The following NLRC5 variants were observed in gnomAD, a reference collection of about 807,000 sequenced individuals.
NLRC5 encodes the protein NLR family CARD domain containing 5.
Under a neutral mutation model 206.9 loss-of-function variants are expected in NLRC5, and 114 were observed. The observed-to-expected ratio is 0.55, with a 90% CI of 0.47 to 0.64. The LOEUF is 0.64. Ranked by LOEUF, NLRC5 falls within the 30% of genes least tolerant of loss-of-function variation. The probability of loss-of-function intolerance (pLI) is 0.00; values close to 1 mark genes in which losing one functional copy is unlikely to be tolerated. For synonymous variants in NLRC5, 952 were observed against 962.8 expected (o/e 0.99, Z 0.21); for missense variants, 2,008 against 2,305.5 (o/e 0.87, Z 2.64).
At chr16:57,074,541 C>T in intron 38 of NLRC5, 59 bp from the exon 39 acceptor site, 1 of 1,502,590 alleles carries the variant, frequency 6.7e-7, no homozygotes, top group Non-Finnish European at 9.3e-7. Context: ...CCTCAGACCC[C>T]CAGACTGGAC....
chr16:57,081,396 G>T, intron 47 of NLRC5, 131 bp from the exon 48 acceptor site: 1 of 965,018 alleles, frequency 1.0e-6, no homozygotes. Context: ...GTTGTCTTTT[G>T]GGTTCCCTGA....
intron 1 of NLRC5, among the ~76,000 whole-genome samples, chr16:56,997,644 G>T (rs978224120): frequency 2.6e-5 from 4 of 151,970 alleles, no homozygotes; most frequent in Non-Finnish European, 5.9e-5. Flanking sequence ...ACAATATCAC[G>T]GCTTACTGCG....
chr16:57,022,431 C>A lies in NLRC5; in HGVS notation c.355+116C>A, dbSNP rs560824306. The A allele has an allele frequency of 1.2e-4, 103 of 882,788 alleles. No individual in the cohort carries two copies. In the East Asian group the frequency reaches 2.5e-3, roughly 22 times the overall value. 54.7% of individuals were successfully genotyped at this position (882,788 alleles called of 1,614,324 possible). A position where few individuals can be genotyped will look rare whatever the true frequency, so the allele number is the denominator to read the frequency against. ...GCTGGTCACAGCCATTTCTCATAGGCCATGCTCTTCGTCTGTCCCTGACCC... is the reference window on the plus strand; with the variant it reads ...GCTGGTCACAGCCATTTCTCATAGGACATGCTCTTCGTCTGTCCCTGACCC... On this transcript the variant is annotated intron_variant, in intron 4 of 48. Transcript: ENST00000688547.
chr16:57,065,354 CT>C (rs1182752602), intron 33 of NLRC5, 56 bp downstream of exon 33: 2 of 1,287,546 alleles, frequency 1.6e-6, no homozygotes, highest in Middle Eastern at 1.9e-4. Flanking sequence ...AGCATTGGGA[CT>C]TTTCCTTGAC....
intron 1 of NLRC5, among the ~76,000 whole-genome samples, chr16:57,004,922 C>G (rs1452969064): frequency 6.6e-6 from 1 of 152,146 alleles, no homozygotes; most frequent in Non-Finnish European, 1.5e-5. Flanking sequence ...GCACCCCAGC[C>G]CTTTTCCCTC....
At chr16:57,058,668 C>A (rs1454937092) in intron 28 of NLRC5, among the ~76,000 whole-genome samples, 4 of 152,192 alleles carry the variant, frequency 2.6e-5, no homozygotes, top group African/African-American at 9.6e-5. Flanking sequence ...GCTTCGTGCT[C>A]GGGAGTCCTT....
At chr16:57,051,690 G>A in intron 24 of NLRC5, 69 bp downstream of exon 24, 1 of 1,244,346 alleles carries the variant, frequency 8.0e-7, no homozygotes, top group Admixed American at 1.7e-5. Context: ...CCATGGCAAA[G>A]CTGTACCTGC....
intron 1 of NLRC5, among the ~76,000 whole-genome samples, chr16:56,991,678 CTTTTTT>C (rs35559322): frequency 1.9e-5 from 2 of 105,632 alleles, no homozygotes; most frequent in East Asian, 2.9e-4. Flanking sequence ...GCCCGGACTC[CTTTTTT>C]TTTTTTTTTT....
At chr16:57,055,203 C>T in intron 26 of NLRC5, 109 bp downstream of exon 26, 1 of 1,188,896 alleles carries the variant, frequency 8.4e-7, no homozygotes, top group Non-Finnish European at 1.2e-6. Flanking sequence ...AAAACATTCC[C>T]CTGGAACAAC....
At chr16:57,032,533 A>C (rs994735953) in intron 11 of NLRC5, among the ~76,000 whole-genome samples, 2 of 152,172 alleles carry the variant, frequency 1.3e-5, no homozygotes, top group African/African-American at 4.8e-5. Flanking sequence ...AATTTAAATA[A>C]ATTAAAATTT....
At chr16:57,067,675 G>A (rs909537783) in intron 35 of NLRC5, 61 bp from the exon 36 acceptor site, 4 of 1,528,978 alleles carry the variant, frequency 2.6e-6, no homozygotes, top group Admixed American at 1.7e-5. Flanking sequence ...CCTTCTGGAT[G>A]TGATGACCTC....
intron 43 of NLRC5, 110 bp from the exon 44 acceptor site, chr16:57,078,940 T>C: frequency 1.0e-6 from 1 of 972,220 alleles, no homozygotes; most frequent in South Asian, 1.5e-5. Context: ...GGATGGGGAA[T>C]TAGCCAGAGA....
chr16:57,070,289 C>G (rs1394220868), intron 37 of NLRC5, among the ~76,000 whole-genome samples: 2 of 152,084 alleles, frequency 1.3e-5, no homozygotes, highest in Non-Finnish European at 2.9e-5. Flanking sequence ...CCAGCTTCCT[C>G]TCTGCAGCCT....
chr16:57,026,726 G>A lies in NLRC5; in HGVS notation c.1783G>A (p.Val595Ile). 6.2e-7 allele frequency: 1 copy of A among 1,614,066 alleles called. No individual in the cohort carries two copies. Among genetic ancestry groups the A allele is most frequent in the East Asian group, 2.2e-5 (1 of 44,882 alleles). ...EDCVGAKQAA[V>I]VQVLKKLATR... The stretch of plus-strand genomic sequence containing the variant: ...CTGTGTGGGTGCCAAGCAGGCTGCT[G>A]TAGTGCAGGTGTTGAAGAAGTTGGC... The change falls in exon 6 of 49, where the codon GTA becomes ATA. Residue 595 changes from valine (V) to isoleucine (I), a missense_variant. By Grantham distance (29) the Val-to-Ile change is conservative. Coordinates refer to ENST00000688547, the MANE Select transcript of NLRC5 (RefSeq NM_001384950.1).
chr16:57,037,337 C>T (rs2062728779), intron 15 of NLRC5, 53 bp downstream of exon 15: 8 of 1,513,126 alleles, frequency 5.3e-6, no homozygotes, highest in Non-Finnish European at 7.3e-6. Flanking sequence ...CATGCTCTCT[C>T]TGAAGCCCTT....
At chr16:57,066,119 G>C (rs2067052280) in intron 33 of NLRC5, among the ~76,000 whole-genome samples, 1 of 152,096 alleles carries the variant, frequency 6.6e-6, no homozygotes. Flanking sequence ...GGTCTGAAAA[G>C]GCTTATCAAC....
intron 1 of NLRC5, among the ~76,000 whole-genome samples, chr16:57,000,648 T>C (rs1224006867): frequency 6.6e-6 from 1 of 152,106 alleles, no homozygotes; most frequent in African/African-American, 2.4e-5. Context: ...ATCATGACTG[T>C]GTGTTTTAAG....
rs1597326047 is a variant in NLRC5 at position 57,043,262 on chromosome 16, G to A, written c.3114-253G>A. 2.0e-5 allele frequency among the ~76,000 whole-genome samples: 3 copies of A among 152,128 alleles called. No homozygotes were observed. In the South Asian group the frequency reaches 6.2e-4, roughly 32 times the overall value. Reference sequence around the variant, plus strand: ...TCCTCAGATCCATCACAGACCGAGGGACCCACTGGGTGCCCATCTCAGCTC... The same window carrying A: ...TCCTCAGATCCATCACAGACCGAGGAACCCACTGGGTGCCCATCTCAGCTC... On this transcript the variant is annotated intron_variant, in intron 19 of 48. Transcript: ENST00000688547.
intron 27 of NLRC5, among the ~76,000 whole-genome samples, chr16:57,056,222 A>G (rs768860365): frequency 3.3e-5 from 5 of 152,230 alleles, no homozygotes; most frequent in Non-Finnish European, 5.9e-5. Context: ...CAGTCCGCCA[A>G]AAATGCCACA....
Sources: gnomAD v4.1 joint callset for allele counts (sites outside exome capture counted in the v4.1 genomes callset) on GRCh38, gnomAD v4.1.1 for gene constraint, MANE v1.5 for transcripts, NCBI Gene and HGNC (gene_info 2026-07-23, HGNC 2026-07-21) for gene names.